Variants in ZDHHC14 observed in about 807,000 individuals in gnomAD.
ZDHHC14 encodes the protein zDHHC palmitoyltransferase 14, also known as palmitoyltransferase ZDHHC14.
In ZDHHC14, 16 loss-of-function variants were observed where a neutral mutation model predicts 47.7. The ratio of observed to expected loss-of-function variants is 0.34; its 90% confidence interval spans 0.23 to 0.51. The LOEUF (loss-of-function observed/expected upper bound fraction) is 0.51. ZDHHC14 is among the 20% of genes least tolerant of loss of function. The pLI, the probability that ZDHHC14 is intolerant of heterozygous loss-of-function variation, is 0.97. For missense variants in ZDHHC14, 515 were observed against 662.5 expected (o/e 0.78, Z 2.44); for synonymous variants, 293 against 278.9 (o/e 1.05, Z -0.50).
intron 1 of ZDHHC14, among the ~76,000 whole-genome samples, chr6:157,440,538 T>C (rs1312910405): frequency 6.6e-6 from 1 of 152,164 alleles, no homozygotes; most frequent in African/African-American, 2.4e-5. Context: ...ATATATGACC[T>C]AGCAATTCCA....
intron 1 of ZDHHC14, among the ~76,000 whole-genome samples, chr6:157,459,008 C>T (rs1779000428): frequency 6.6e-6 from 1 of 151,716 alleles, no homozygotes; most frequent in Admixed American, 6.6e-5. Context: ...CACCACCATG[C>T]CTGGGTAATT....
At chr6:157,628,941 C>T (rs1445447832) in intron 4 of ZDHHC14, among the ~76,000 whole-genome samples, 1 of 152,186 alleles carries the variant, frequency 6.6e-6, no homozygotes. Flanking sequence ...AGAACAGTCA[C>T]CAGTCACCCT....
At chr6:157,416,674 A>T (rs1777979043) in intron 1 of ZDHHC14, among the ~76,000 whole-genome samples, 2 of 5,590 alleles carry the variant, frequency 3.6e-4, no homozygotes, top group Non-Finnish European at 1.7e-3. Context: ...TCTCATTAAA[A>T]AAAAAAAAAA....
intron 1 of ZDHHC14, among the ~76,000 whole-genome samples, chr6:157,508,648 G>T (rs1400795624): frequency 6.6e-6 from 1 of 152,124 alleles, no homozygotes; most frequent in Non-Finnish European, 1.5e-5. Context: ...AAAGTGCTGG[G>T]ATTAAAGGTG....
Position 157,650,101 on chromosome 6 carries a change from G to GGCGCTGTGGGT in ZDHHC14, c.965+2735_965+2736insGCTGTGGGTGC, listed in dbSNP as rs1562529046. ...CGGGAGAGGGGCTGGCTCTGTGCCA[G>GGCGCTGTGGGT]GCACTGGGGGTGCACGGGAGAGGGG... On this transcript the variant is annotated intron_variant, in intron 7 of 8. Transcript: ENST00000359775. Among the ~76,000 whole-genome samples the GGCGCTGTGGGT allele has an allele frequency of 7.7e-4, 99 of 128,028 alleles. 7 individuals carry two copies. Among genetic ancestry groups the GGCGCTGTGGGT allele is most frequent in the Non-Finnish European group, 1.4e-3 (83 of 59,900 alleles). The allele number at this position is 128,028 out of a possible 152,430, so 84.0% of individuals were successfully genotyped here.
intron 1 of ZDHHC14, among the ~76,000 whole-genome samples, chr6:157,462,503 A>G (rs1779113674): frequency 6.6e-6 from 1 of 152,230 alleles, no homozygotes. Flanking sequence ...CAAAAAAAGT[A>G]GTGCAGTGCC....
chr6:157,652,916 A>G (rs567248796), intron 7 of ZDHHC14, among the ~76,000 whole-genome samples: 96 of 152,168 alleles, frequency 6.3e-4, no homozygotes, highest in Middle Eastern at 3.4e-3. Context: ...AGAGAAGGGG[A>G]GAGAGGAGGA....
intron 1 of ZDHHC14, among the ~76,000 whole-genome samples, chr6:157,508,470 A>G (rs1780383816): frequency 6.6e-6 from 1 of 152,094 alleles, no homozygotes; most frequent in South Asian, 2.1e-4. Flanking sequence ...GGCTCAAGCA[A>G]TCCTCCCACC....
At chr6:157,464,576 A>T (rs1378164631) in intron 1 of ZDHHC14, among the ~76,000 whole-genome samples, 1 of 152,222 alleles carries the variant, frequency 6.6e-6, no homozygotes, top group Non-Finnish European at 1.5e-5. Flanking sequence ...GGGTGAATGT[A>T]TGGGAAGCTA....
At chr6:157,551,216 C>T (rs1782217373) in intron 2 of ZDHHC14, among the ~76,000 whole-genome samples, 1 of 152,208 alleles carries the variant, frequency 6.6e-6, no homozygotes, top group South Asian at 2.1e-4. Context: ...TCCGTGTCCC[C>T]TCCCTTCCTC....
chr6:157,444,782 C>T (rs928897101), intron 1 of ZDHHC14, among the ~76,000 whole-genome samples: 4 of 152,004 alleles, frequency 2.6e-5, no homozygotes, highest in Non-Finnish European at 1.5e-5. Flanking sequence ...TTGGTAGAAA[C>T]AGCATTCACA....
intron 1 of ZDHHC14, among the ~76,000 whole-genome samples, chr6:157,519,988 C>G (rs1050163333): frequency 2.6e-5 from 4 of 152,160 alleles, no homozygotes; most frequent in African/African-American, 9.6e-5. Context: ...GAATGTCACT[C>G]AGGACAGACT....
chr6:157,552,490 G>T (rs1253377345), intron 2 of ZDHHC14, among the ~76,000 whole-genome samples: 3 of 152,158 alleles, frequency 2.0e-5, no homozygotes, highest in Admixed American at 6.5e-5. Context: ...AGCTCTTTGT[G>T]CTTGGGAAGT....
At position 157,677,011 on chromosome 6, in the gene ZDHHC14, A is replaced by C. The variant is rs2115022887; in HGVS notation, c.*3889A>C. ...AGGTAAGAAAAGAATAAAGGAGAAC[A>C]AATATTAAATACTCTTTTCTAATTG... is the stretch of plus-strand genomic sequence containing the variant. On this transcript the variant is annotated 3_prime_UTR_variant, in exon 9 of 9. Coordinates refer to ENST00000359775, the MANE Select transcript of ZDHHC14 (RefSeq NM_024630.3). 6.6e-6 allele frequency: 1 copy of C among 152,348 alleles called. No homozygotes were observed. The highest frequency in any genetic ancestry group is 1.9e-4 in the East Asian group (1 of 5,188). 9.4% of individuals were successfully genotyped at this position (152,348 alleles called of 1,614,324 possible).
intron 3 of ZDHHC14, among the ~76,000 whole-genome samples, chr6:157,602,508 A>G (rs1384235508): frequency 7.9e-6 from 1 of 126,096 alleles, no homozygotes; most frequent in Admixed American, 8.0e-5. Context: ...AAAAAAAAAA[A>G]CGCATTCAGT....
chr6:157,422,985 T>G (rs1778141048), intron 1 of ZDHHC14, among the ~76,000 whole-genome samples: 1 of 152,224 alleles, frequency 6.6e-6, no homozygotes, highest in Non-Finnish European at 1.5e-5. Flanking sequence ...GTTCATTTAC[T>G]CTTTCTCATG....
chr6:157,442,203 G>A (rs1393947059), intron 1 of ZDHHC14, among the ~76,000 whole-genome samples: 1 of 152,008 alleles, frequency 6.6e-6, no homozygotes, highest in Admixed American at 6.5e-5. Context: ...ACAAGCCTAG[G>A]CAACATGGTG....
At chr6:157,601,842 G>C (rs1447969284) in intron 3 of ZDHHC14, among the ~76,000 whole-genome samples, 1 of 152,164 alleles carries the variant, frequency 6.6e-6, no homozygotes, top group African/African-American at 2.4e-5. Context: ...CATCTCCAAA[G>C]TGACCATTAA....
intron 2 of ZDHHC14, 102 bp from the exon 3 acceptor site, chr6:157,592,886 G>C (rs909075780): frequency 6.7e-7 from 1 of 1,498,082 alleles, no homozygotes; most frequent in Non-Finnish European, 8.9e-7. Flanking sequence ...CCTGCCAGCC[G>C]CTGTGCCTGC....
Sources: gnomAD v4.1 joint callset for allele counts (sites outside exome capture counted in the v4.1 genomes callset) on GRCh38, gnomAD v4.1.1 for gene constraint, MANE v1.5 for transcripts, NCBI Gene and HGNC (gene_info 2026-07-23, HGNC 2026-07-21) for gene names.